Variants in ARHGEF4 observed in about 807,000 individuals in gnomAD.
ARHGEF4 encodes Rho guanine nucleotide exchange factor 4.
ARHGEF4 carries 119 observed loss-of-function variants against 162.0 expected under a neutral mutation model. That is an observed-to-expected ratio of 0.73 (90% confidence interval 0.63 to 0.86). The LOEUF is 0.86. ARHGEF4 is among the 40% of genes least tolerant of loss of function. The probability of loss-of-function intolerance (pLI) is 0.00; values close to 1 mark genes in which losing one functional copy is unlikely to be tolerated. For synonymous variants in ARHGEF4, 1,014 were observed against 979.9 expected (o/e 1.03, Z -0.65); for missense variants, 2,488 against 2,456.0 (o/e 1.01, Z -0.28).
At chr2:130,837,208 G>A (rs1355228024) in intron 1 of ARHGEF4, among the ~76,000 whole-genome samples, 2 of 152,130 alleles carry the variant, frequency 1.3e-5, no homozygotes, top group African/African-American at 2.4e-5. Flanking sequence ...GGGGAAGGAC[G>A]GGGCTCCGTT....
rs749998864 is a variant in ARHGEF4, at chr2:131,040,240, C to G, written c.4483-21C>G. On this transcript the variant is annotated intron_variant, in intron 7 of 13. Coordinates refer to ENST00000409359, the MANE Select transcript of ARHGEF4 (RefSeq NM_001367493.1). ...TGACTGGGGACCCGGTCGGGGGAGG[C>G]CTAACCACGTCCGCCCGCAGGGCTA... 1.8e-4 allele frequency: 292 copies of G among 1,611,084 alleles called. 3 individuals are homozygous for G. In the Admixed American group the frequency reaches 4.8e-3, roughly 26 times the overall value.
In ARHGEF4 at chr2:131,027,988, A is replaced by C. The variant is rs774052049; in HGVS notation, c.4029A>C (p.Glu1343Asp). The C allele has an allele frequency of 5.6e-6, 9 of 1,614,016 alleles. No homozygotes were observed. In the South Asian group the frequency reaches 9.9e-5, roughly 18 times the overall value. The change falls in exon 5 of 14, where the codon GAA becomes GAC. Residue 1343 changes from glutamate to aspartate, a missense_variant. By Grantham distance (45) the Glu-to-Asp change is conservative. This residue lies in a region of ARHGEF4 where 1,642 missense variants were observed against 1,481.5 expected (regional missense o/e 1.11). Transcript: ENST00000409359. ...TGGACACAGCTGTCTGCGCTGACGA[A>C]GTGGGGAGCGAGGAGGACCTGTATG... ...GALDTAVCAD[E>D]VGSEEDLYDD...
In ARHGEF4 at chr2:130,912,510, T is replaced by C. The variant is rs117253640; in HGVS notation, c.40-1476T>C. On this transcript the variant is annotated intron_variant, in intron 1 of 13. Coordinates refer to ENST00000409359, the MANE Select transcript of ARHGEF4 (RefSeq NM_001367493.1). ...GAGCACTGGCTTTGGTGTGTGTTTG[T>C]TTTCCTTCTCTCAGTTAAGAATTAA... 6.6e-5 allele frequency among the ~76,000 whole-genome samples: 10 copies of C among 152,352 alleles called. No individual in the cohort carries two copies. The East Asian group carries it at 1.5e-3, about 23-fold the overall frequency.
intron 1 of ARHGEF4, among the ~76,000 whole-genome samples, chr2:130,898,926 C>T (rs560043778): frequency 2.0e-5 from 3 of 152,134 alleles, no homozygotes; most frequent in Non-Finnish European, 2.9e-5. Context: ...GGAAGATCCC[C>T]AGCCCACTCC....
chr2:131,036,974 GTCTCA>G (rs933840226), intron 5 of ARHGEF4, among the ~76,000 whole-genome samples: 1 of 152,176 alleles, frequency 6.6e-6, no homozygotes, highest in Non-Finnish European at 1.5e-5. Context: ...GAGCCCTCCT[GTCTCA>G]TCTCATCTGA....
At chr2:130,917,585 G>A (rs1192373794) in intron 2 of ARHGEF4, 87 bp downstream of exon 2, 14 of 1,448,324 alleles carry the variant, frequency 9.7e-6, no homozygotes, top group Non-Finnish European at 9.1e-7. Context: ...TGAGGGGAGA[G>A]GTAAAATAGG....
rs138190143 is a variant in ARHGEF4 at position 131,003,425 on chromosome 2, C to T, written c.3986-24520C>T. 7.7e-4 allele frequency among the ~76,000 whole-genome samples: 117 copies of T among 152,294 alleles called. No homozygotes were observed. The East Asian group carries it at 0.013, about 17-fold the overall frequency. ...TGACACGCATCTCTCGTCATTTCTG[C>T]AGTATTCCCTGAAGCTTCTTTAAGC... is the stretch of plus-strand genomic sequence containing the variant. On this transcript the variant is annotated intron_variant, in intron 4 of 13. Coordinates refer to ENST00000409359, the MANE Select transcript of ARHGEF4 (RefSeq NM_001367493.1).
At chr2:131,036,229 G>A (rs1158169755) in intron 5 of ARHGEF4, among the ~76,000 whole-genome samples, 2 of 152,216 alleles carry the variant, frequency 1.3e-5, no homozygotes, top group African/African-American at 4.8e-5. Context: ...GATGTCCTAC[G>A]AAACTGTCTC....
chr2:130,975,329 C>G lies in ARHGEF4; in HGVS notation c.3985+28694C>G, dbSNP rs539703485. On this transcript the variant is annotated intron_variant, in intron 4 of 13. Coordinates refer to ENST00000409359, the MANE Select transcript of ARHGEF4 (RefSeq NM_001367493.1). ...CTGCCCCTCGGAGGGCTAGCTAATT[C>G]CTAGAGACAGCAGACACCCACCTGA... Among the ~76,000 whole-genome samples, 54 of 152,288 alleles carry G rather than the reference C, an allele frequency of 3.5e-4. 1 individual carries two copies. In the South Asian group the frequency reaches 0.011, roughly 31 times the overall value.
At chr2:131,022,542 C>A (rs1689198769) in intron 4 of ARHGEF4, among the ~76,000 whole-genome samples, 1 of 151,184 alleles carries the variant, frequency 6.6e-6, no homozygotes, top group South Asian at 2.1e-4. Context: ...TACAAAGGTA[C>A]AAAAGCAATT....
At chr2:130,930,825 T>A (rs1372377979) in intron 2 of ARHGEF4, 127 bp from the exon 3 acceptor site, 2 of 834,982 alleles carry the variant, frequency 2.4e-6, no homozygotes, top group East Asian at 2.7e-5. Flanking sequence ...CACTGGACTC[T>A]GTACTTTGAA....
intron 1 of ARHGEF4, among the ~76,000 whole-genome samples, chr2:130,846,605 TGA>T (rs1414774155): frequency 1.3e-5 from 2 of 152,010 alleles, no homozygotes; most frequent in African/African-American, 4.8e-5. Flanking sequence ...TCGGGCCCAG[TGA>T]GAGGGGCTTG....
intron 4 of ARHGEF4, among the ~76,000 whole-genome samples, chr2:130,998,946 C>T (rs978798873): frequency 6.6e-6 from 1 of 152,162 alleles, no homozygotes; most frequent in African/African-American, 2.4e-5. Flanking sequence ...TGGATGAGAG[C>T]TCCTGTTGTT....
intron 1 of ARHGEF4, among the ~76,000 whole-genome samples, chr2:130,853,836 G>A (rs571802718): frequency 1.6e-4 from 24 of 152,338 alleles, no homozygotes; most frequent in African/African-American, 5.8e-4. Flanking sequence ...GGCTCAGGAG[G>A]TGAGCCGGAG....
rs999168117 is a variant in ARHGEF4 at position 131,045,658 on chromosome 2, T to C, written c.5479+212T>C. 182 of 1,506,726 alleles carry C rather than the reference T, an allele frequency of 1.2e-4. 3 individuals are homozygous for C. The South Asian group carries it at 2.3e-3, about 19-fold the overall frequency. The allele number at this position is 1,506,726 out of a possible 1,614,324, so 93.3% of individuals were successfully genotyped here. ...GGTTGACATTCTTACTCTCAACACCTTGGCTCCCCCAGATCAGGGCCATTG... is the reference window on the plus strand; with the variant it reads ...GGTTGACATTCTTACTCTCAACACCCTGGCTCCCCCAGATCAGGGCCATTG... On this transcript the variant is annotated intron_variant, in intron 13 of 13. Transcript: ENST00000409359.
chr2:131,039,911 A>G (rs2278116), intron 6 of ARHGEF4, 105 bp from the exon 7 acceptor site: 168,047 of 1,473,112 alleles, frequency 0.11, 14,809 homozygotes, highest in African/African-American at 0.44. Context: ...TGCGCCCCGT[A>G]CACCCTGCGG....
intron 4 of ARHGEF4, among the ~76,000 whole-genome samples, chr2:131,015,530 T>C (rs976713621): frequency 6.6e-6 from 1 of 152,228 alleles, no homozygotes; most frequent in Non-Finnish European, 1.5e-5. Context: ...TCTGTGCTGG[T>C]TGACCGGTTG....
rs570781497 is a variant in ARHGEF4 at position 130,886,026 on chromosome 2, CT to C, written c.40-27959del. Among the ~76,000 whole-genome samples, 30 of 152,150 alleles carry C rather than the reference CT, an allele frequency of 2.0e-4. No homozygotes were observed. In the East Asian group the frequency reaches 5.8e-3, roughly 29 times the overall value. ...AAGCCTCTGGAAACCCCTTCCCAGT[CT>C]GTTGTGATCACATGTTTAATTTTAT... On this transcript the variant is annotated intron_variant, in intron 1 of 13. Transcript: ENST00000409359.
intron 4 of ARHGEF4, among the ~76,000 whole-genome samples, chr2:130,990,483 G>T (rs533093711): frequency 1.9e-4 from 29 of 152,230 alleles, no homozygotes; most frequent in African/African-American, 3.4e-4. Context: ...CACTGGGAAA[G>T]AACTTCCCAG....
Sources: allele counts gnomAD v4.1 joint callset (sites outside exome capture counted in the v4.1 genomes callset), GRCh38; gene constraint gnomAD v4.1.1; regional missense constraint gnomAD v4.1.1; transcripts MANE v1.5; gene names NCBI Gene and HGNC (gene_info 2026-07-23, HGNC 2026-07-21).